CSMD1: variants seen among roughly 807,000 people sequenced by gnomAD.
CSMD1 encodes CUB and Sushi multiple domains 1.
A neutral mutation model predicts 417.5 loss-of-function variants in CSMD1; 213 were observed. That is an observed-to-expected ratio of 0.51 (90% CI 0.46 to 0.57). The LOEUF (loss-of-function observed/expected upper bound fraction) is 0.57. Ranked by LOEUF, CSMD1 falls within the 20% of genes least tolerant of loss-of-function variation. The probability of loss-of-function intolerance (pLI) is 0.00; values close to 1 mark genes in which losing one functional copy is unlikely to be tolerated. For synonymous variants in CSMD1, 2,862 were observed against 1,736.8 expected (o/e 1.65, Z -16.11); for missense variants, 6,923 against 4,529.7 (o/e 1.53, Z -15.17).
intron 50 of CSMD1, among the ~76,000 whole-genome samples, chr8:3,034,949 G>C (rs1327666477): frequency 1.3e-5 from 2 of 152,108 alleles, no homozygotes; most frequent in Admixed American, 1.3e-4. Flanking sequence ...GGAGGGCCTC[G>C]GAAACGGCTT....
At chr8:3,698,212 T>C (rs2251857) in intron 7 of CSMD1, among the ~76,000 whole-genome samples, 19,512 of 152,154 alleles carry the variant, frequency 0.13, 1,587 homozygotes, top group African/African-American at 0.24. Context: ...TATTTTAGCT[T>C]CTGCAGTGAC....
chr8:3,542,411 G>C (rs959930444), intron 10 of CSMD1, among the ~76,000 whole-genome samples: 10 of 152,264 alleles, frequency 6.6e-5, no homozygotes, highest in African/African-American at 2.4e-4. Context: ...CCCTGTTCCA[G>C]ATACCGTTCT....
At chr8:3,083,644 ATATATTTTTTTTTT>A (rs1814299354) in intron 49 of CSMD1, among the ~76,000 whole-genome samples, 1 of 19,800 alleles carries the variant, frequency 5.1e-5, no homozygotes, top group Non-Finnish European at 8.3e-5. Flanking sequence ...ATATATATAT[ATATATTTTTTTTTT>A]TTTTTTTTTT....
At chr8:4,525,865 A>G (rs187240185) in intron 2 of CSMD1, among the ~76,000 whole-genome samples, 56 of 152,198 alleles carry the variant, frequency 3.7e-4, no homozygotes, top group African/African-American at 1.1e-3. Flanking sequence ...TTCCATCGTG[A>G]TTCTTCCAGT....
intron 2 of CSMD1, among the ~76,000 whole-genome samples, chr8:4,451,622 G>A (rs1009561089): frequency 6.6e-6 from 1 of 152,098 alleles, no homozygotes; most frequent in Non-Finnish European, 1.5e-5. Context: ...ATTCAAGAAG[G>A]AATCTACTAG....
chr8:3,889,478 TATATATATATATATAA>T (rs1285944015), intron 5 of CSMD1, among the ~76,000 whole-genome samples: 38 of 111,964 alleles, frequency 3.4e-4, no homozygotes, highest in South Asian at 2.0e-3. Context: ...TATATATATA[TATATATATATATATAA>T]AATATGCTCA....
intron 2 of CSMD1, among the ~76,000 whole-genome samples, chr8:4,420,733 C>T (rs1004726835): frequency 2.0e-5 from 3 of 152,170 alleles, no homozygotes; most frequent in South Asian, 4.2e-4. Context: ...GGCTGTGAGC[C>T]GTCTAGAGGG....
Position 3,107,772 on chromosome 8 carries a change from G to C in CSMD1, c.6781C>G (p.Pro2261Ala), listed in dbSNP as rs190894161. The C allele has an allele frequency of 4.3e-3, 6,859 of 1,586,460 alleles. 31 individuals are homozygous for C. Among genetic ancestry groups the C allele is most frequent in the South Asian group, 0.013 (1,089 of 85,928 alleles). Residue 2261 changes from proline to alanine, a missense_variant, in exon 45 of 70, where the codon CCC (proline) becomes GCC (alanine). Pro to Ala is a conservative substitution (Grantham distance 27, BLOSUM62 -1). Transcript: ENST00000635120. ...HAFQLKKCQPPPAVPQAEMLT... is the reference protein window; with the variant it reads ...HAFQLKKCQPAPAVPQAEMLT... ...ATTTCTGCCTGTGGAACCGCTGGGG[G>C]AGGTTGACATTTCTTGAGCTGAAAT...
At chr8:3,070,417 A>G (rs1387624399) in intron 49 of CSMD1, among the ~76,000 whole-genome samples, 7 of 152,174 alleles carry the variant, frequency 4.6e-5, no homozygotes, top group Admixed American at 3.9e-4. Context: ...TTGCTCCTGT[A>G]TTTGAACATA....
chr8:4,821,037 C>G (rs1281351171), intron 1 of CSMD1, among the ~76,000 whole-genome samples: 1 of 152,016 alleles, frequency 6.6e-6, no homozygotes, highest in Non-Finnish European at 1.5e-5. Flanking sequence ...TTAGATTGCT[C>G]CACACCAAGA....
At chr8:3,156,468 G>A (rs1263129941) in intron 39 of CSMD1, among the ~76,000 whole-genome samples, 2 of 152,116 alleles carry the variant, frequency 1.3e-5, no homozygotes, top group Non-Finnish European at 2.9e-5. Context: ...TTGTAGAAGG[G>A]CAAATTAAAG....
At chr8:3,246,159 C>G (rs1476902409) in intron 26 of CSMD1, among the ~76,000 whole-genome samples, 1 of 152,040 alleles carries the variant, frequency 6.6e-6, no homozygotes, top group Non-Finnish European at 1.5e-5. Flanking sequence ...GAGTGGATTC[C>G]CATCACTCTA....
At position 3,616,865 on chromosome 8, in the gene CSMD1, A is replaced by T. The variant is rs115334710; in HGVS notation, c.1010-68T>A. 5,290 of 1,091,576 alleles carry T rather than the reference A, an allele frequency of 4.8e-3. 174 individuals carry two copies. In the African/African-American group the frequency reaches 0.072, roughly 15 times the overall value. The allele number at this position is 1,091,576 out of a possible 1,614,324, so 67.6% of individuals were successfully genotyped here. A position where few individuals can be genotyped will look rare whatever the true frequency, so the allele number is the denominator to read the frequency against. ...GAGGAAATACCCAGATAAAAAATTT[A>T]TTCTAGGCATTTTCAGTTCTTTAAT... On this transcript the variant is annotated intron_variant, in intron 7 of 69. Coordinates refer to ENST00000635120, the MANE Select transcript of CSMD1 (RefSeq NM_033225.6).
At chr8:3,683,606 G>A (rs1799783124) in intron 7 of CSMD1, among the ~76,000 whole-genome samples, 1 of 152,098 alleles carries the variant, frequency 6.6e-6, no homozygotes. Flanking sequence ...TCATTCTTCT[G>A]CCAGGTCTTC....
intron 3 of CSMD1, among the ~76,000 whole-genome samples, chr8:4,305,187 A>C (rs1375902896): frequency 6.6e-6 from 1 of 152,188 alleles, no homozygotes; most frequent in African/African-American, 2.4e-5. Flanking sequence ...ACATCAAGTA[A>C]CTTCACAAAC....
At chr8:3,825,899 A>G (rs1040355337) in intron 5 of CSMD1, among the ~76,000 whole-genome samples, 1 of 152,230 alleles carries the variant, frequency 6.6e-6, no homozygotes, top group Non-Finnish European at 1.5e-5. Context: ...GTATCATGAC[A>G]AAATCAGACA....
chr8:4,067,252 A>G (rs1275028973), intron 3 of CSMD1, among the ~76,000 whole-genome samples: 1 of 152,238 alleles, frequency 6.6e-6, no homozygotes, highest in Non-Finnish European at 1.5e-5. Flanking sequence ...ACAGATAATT[A>G]TGAAAACTAA....
chr8:4,975,193 C>T (rs755416590), intron 1 of CSMD1, among the ~76,000 whole-genome samples: 9 of 152,266 alleles, frequency 5.9e-5, no homozygotes, highest in East Asian at 3.9e-4. Flanking sequence ...TAATTCACCA[C>T]GGTGACTTTT....
chr8:2,946,620 T>C (rs1333392791), intron 68 of CSMD1, among the ~76,000 whole-genome samples: 1 of 152,264 alleles, frequency 6.6e-6, no homozygotes, highest in Non-Finnish European at 1.5e-5. Flanking sequence ...CTATATTACA[T>C]ATTGTTTATT....
Sources: gnomAD v4.1 joint callset for allele counts (sites outside exome capture counted in the v4.1 genomes callset) on GRCh38, gnomAD v4.1.1 for gene constraint, MANE v1.5 for transcripts, NCBI Gene and HGNC (gene_info 2026-07-23, HGNC 2026-07-21) for gene names.